Variants in PAK2 observed in about 807,000 individuals in gnomAD.
PAK2 encodes the protein p21 (RAC1) activated kinase 2, also known as serine/threonine-protein kinase PAK 2.
A neutral mutation model predicts 65.9 loss-of-function variants in PAK2; 21 were observed. That is an observed-to-expected ratio of 0.32 (90% confidence interval 0.23 to 0.46). The LOEUF is 0.46. PAK2 is among the 20% of genes least tolerant of loss of function. PAK2 has a pLI of 1.00. For missense variants in PAK2, 324 were observed against 642.6 expected, an observed-to-expected ratio of 0.50 and a Z score of 5.36; for synonymous variants, 204 against 219.7, an observed-to-expected ratio of 0.93 and a Z score of 0.63.
intron 3 of PAK2, 59 bp from the exon 4 acceptor site, chr3:196,802,958 A>C (rs1715465688): frequency 8.6e-7 from 1 of 1,159,828 alleles, no homozygotes; most frequent in Non-Finnish European, 1.2e-6. Context: ...TTATCTCTGG[A>C]AATTAATTTT....
At chr3:196,818,828 C>CT (rs1325288243) in intron 12 of PAK2, among the ~76,000 whole-genome samples, 1 of 151,920 alleles carries the variant, frequency 6.6e-6, no homozygotes, top group African/African-American at 2.4e-5. Context: ...CTCAGTATTC[C>CT]TATTTGTAAA....
rs564104608 is a variant in PAK2 at position 196,789,162 on chromosome 3, C to A, written c.187+6329C>A. On this transcript the variant is annotated intron_variant, in intron 2 of 14. Coordinates refer to ENST00000327134, the MANE Select transcript of PAK2 (RefSeq NM_002577.4). ...TGCTGTAGCCCAAGTGAGAAATGGC[C>A]TAACTAGTCTACTAGTTTAAATAAT... 2.0e-5 allele frequency among the ~76,000 whole-genome samples: 3 copies of A among 152,238 alleles called. No individual in the cohort carries two copies. In the South Asian group the frequency reaches 6.2e-4, roughly 32 times the overall value.
intron 14 of PAK2, 171 bp downstream of exon 14, chr3:196,827,504 C>G (rs920301529): frequency 2.2e-6 from 2 of 914,614 alleles, no homozygotes; most frequent in African/African-American, 1.8e-5. Flanking sequence ...ACCGCAAGGA[C>G]AGAAAACCAA....
rs9683260 is a variant in PAK2, at chr3:196,781,902, G to A, written c.-21-724G>A. ...GCGGATCACCTGAGTTCAGGAGTTC[G>A]AGACCAGCCTGGCCAACATGGTGAA... On this transcript the variant is annotated intron_variant, in intron 1 of 14. Transcript: ENST00000327134. Among the ~76,000 whole-genome samples the A allele has an allele frequency of 4.2e-3, 632 of 152,238 alleles. 5 individuals carry two copies. Among genetic ancestry groups the A allele is most frequent in the African/African-American group, 0.014 (594 of 41,544 alleles).
Position 196,811,223 on chromosome 3 carries a change from C to CCCTCCCTTCCCTCCCTT in PAK2, c.773+573_773+574insCCCTTCCCTCCCTTCCT, listed in dbSNP as rs1715784985. 4.0e-4 allele frequency among the ~76,000 whole-genome samples: 7 copies of CCCTCCCTTCCCTCCCTT among 17,574 alleles called. 1 individual carries two copies. Among genetic ancestry groups the CCCTCCCTTCCCTCCCTT allele is most frequent in the Non-Finnish European group, 5.7e-4 (6 of 10,610 alleles). 11.5% of individuals were successfully genotyped at this position (17,574 alleles called of 152,430 possible). On this transcript the variant is annotated intron_variant, in intron 8 of 14. Coordinates refer to ENST00000327134, the MANE Select transcript of PAK2 (RefSeq NM_002577.4). ...CCTCCCTTCCTTCCCTTCCCTCCCTCCCTTCCCTTCCCTTCCTTCCCTCCC... is the reference window on the plus strand; with the variant it reads ...CCTCCCTTCCTTCCCTTCCCTCCCTCCCTCCCTTCCCTCCCTTCCTTCCCTTCCCTTCCTTCCCTCCC...
intron 1 of PAK2, among the ~76,000 whole-genome samples, chr3:196,755,597 T>TA (rs1224503217): frequency 6.6e-6 from 1 of 152,078 alleles, no homozygotes; most frequent in Non-Finnish European, 1.5e-5. Context: ...TAGCTGGGAT[T>TA]ATAGGTATGT....
intron 8 of PAK2, 78 bp from the exon 9 acceptor site, chr3:196,812,141 G>T: frequency 1.2e-6 from 1 of 828,580 alleles, no homozygotes; most frequent in Non-Finnish European, 2.1e-6. Flanking sequence ...TCAATTGCTT[G>T]AAGTGTAAAG....
intron 1 of PAK2, among the ~76,000 whole-genome samples, chr3:196,764,841 CT>C (rs57199433): frequency 0.24 from 26,044 of 107,360 alleles, 1,840 homozygotes; most frequent in East Asian, 0.33. Context: ...TCTTTTCTTT[CT>C]TTTTTTTTTT....
Position 196,822,681 on chromosome 3 carries a change from C to T in PAK2, c.1350+2114C>T, listed in dbSNP as rs927573446. 3.9e-5 allele frequency among the ~76,000 whole-genome samples: 6 copies of T among 152,070 alleles called. No individual in the cohort carries two copies. In the East Asian group the frequency reaches 7.7e-4, roughly 20 times the overall value. Reference sequence around the variant, plus strand: ...CATCACTGCACTCCAGCTTGGGTGACGGCTAGGACCTGTCTCAAAAAAAAT... The same window carrying T: ...CATCACTGCACTCCAGCTTGGGTGATGGCTAGGACCTGTCTCAAAAAAAAT... On this transcript the variant is annotated intron_variant, in intron 13 of 14. Transcript: ENST00000327134.
At chr3:196,781,854 A>G (rs928161120) in intron 1 of PAK2, among the ~76,000 whole-genome samples, 12 of 152,216 alleles carry the variant, frequency 7.9e-5, no homozygotes, top group Non-Finnish European at 1.2e-4. Flanking sequence ...CTATAATCCC[A>G]GCACTGTGGG....
At chr3:196,762,744 G>A (rs1411312579) in intron 1 of PAK2, among the ~76,000 whole-genome samples, 2 of 151,326 alleles carry the variant, frequency 1.3e-5, no homozygotes, top group African/African-American at 4.9e-5. Context: ...GCAGTGAGCC[G>A]AGATCGTGCC....
intron 7 of PAK2, among the ~76,000 whole-genome samples, chr3:196,808,896 A>T (rs1181591112): frequency 6.6e-6 from 1 of 151,720 alleles, no homozygotes; most frequent in African/African-American, 2.4e-5. Context: ...CAATTAAAGA[A>T]TGCTAATCTA....
intron 8 of PAK2, 55 bp from the exon 9 acceptor site, chr3:196,812,164 G>T: frequency 1.0e-6 from 1 of 953,160 alleles, no homozygotes; most frequent in African/African-American, 1.6e-5. Context: ...TTTGGATATT[G>T]CAAATGCTAG....
At chr3:196,762,662 A>C (rs555391830) in intron 1 of PAK2, among the ~76,000 whole-genome samples, 2 of 151,190 alleles carry the variant, frequency 1.3e-5, no homozygotes, top group Non-Finnish European at 2.9e-5. Context: ...GCTCCGCATG[A>C]GAGGGAGACC....
chr3:196,812,091 C>T, intron 8 of PAK2, 128 bp from the exon 9 acceptor site: 2 of 581,014 alleles, frequency 3.4e-6, no homozygotes, highest in Admixed American at 2.8e-5. Context: ...GCTTTTACTC[C>T]TTTTAAGCAC....
chr3:196,768,812 C>A (rs114037871), intron 1 of PAK2, among the ~76,000 whole-genome samples: 1 of 151,758 alleles, frequency 6.6e-6, no homozygotes, highest in Non-Finnish European at 1.5e-5. Context: ...ATTACAGACG[C>A]GTCTCATCAT....
rs1491521540 is a variant in PAK2 at position 196,751,663 on chromosome 3, T to TTTTATATATATATATATATATATATATA, written c.-22+11507_-22+11508insTTATATATATATATATATATATATATAT. Among the ~76,000 whole-genome samples the TTTTATATATATATATATATATATATATA allele has an allele frequency of 5.9e-4, 27 of 45,716 alleles. 2 individuals carry two copies. Among genetic ancestry groups the TTTTATATATATATATATATATATATATA allele is most frequent in the African/African-American group, 3.1e-3 (27 of 8,772 alleles). 30.0% of individuals were successfully genotyped at this position (45,716 alleles called of 152,430 possible). On this transcript the variant is annotated intron_variant, in intron 1 of 14. Coordinates refer to ENST00000327134, the MANE Select transcript of PAK2 (RefSeq NM_002577.4). ...CTGTCCCCCCAAAAAACACACAAAT[T>TTTTATATATATATATATATATATATATA]TATTTATATACATATATATATATAT...
chr3:196,778,565 A>G (rs1051443820), intron 1 of PAK2, among the ~76,000 whole-genome samples: 4 of 152,212 alleles, frequency 2.6e-5, no homozygotes, highest in African/African-American at 7.2e-5. Context: ...GGCTTCCTCT[A>G]ATGTTAACAT....
chr3:196,798,246 A>AT (rs1715317134), intron 2 of PAK2, among the ~76,000 whole-genome samples: 2 of 152,162 alleles, frequency 1.3e-5, no homozygotes, highest in Non-Finnish European at 2.9e-5. Flanking sequence ...GGAGAGACAC[A>AT]TTACCAATAT....
Sources: gnomAD v4.1 joint callset for allele counts (sites outside exome capture counted in the v4.1 genomes callset) on GRCh38, gnomAD v4.1.1 for gene constraint, MANE v1.5 for transcripts, NCBI Gene and HGNC (gene_info 2026-07-23, HGNC 2026-07-21) for gene names.